Variants in CHSY3 observed in about 807,000 individuals in gnomAD.
CHSY3 encodes N-acetylgalactosaminyl-proteoglycan 3-beta-glucuronosyltransferase 3.
In CHSY3, 35 loss-of-function variants were observed where a neutral mutation model predicts 67.2. That is an observed-to-expected ratio of 0.52 (90% CI 0.40 to 0.69). The LOEUF is 0.69. Ranked by LOEUF, CHSY3 falls within the 30% of genes least tolerant of loss-of-function variation. CHSY3 has a pLI of 0.00. For synonymous variants in CHSY3, 474 were observed against 434.7 expected (o/e 1.09, Z -1.12); for missense variants, 1,069 against 1,138.5 (o/e 0.94, Z 0.88).
chr5:129,911,180 G>A (rs944766484), intron 2 of CHSY3, among the ~76,000 whole-genome samples: 1 of 151,668 alleles, frequency 6.6e-6, no homozygotes, highest in African/African-American at 2.4e-5. Context: ...ATATATAATT[G>A]TATAGTTTCC....
chr5:130,162,872 G>A (rs976476524), intron 2 of CHSY3, among the ~76,000 whole-genome samples: 10 of 152,128 alleles, frequency 6.6e-5, no homozygotes, highest in African/African-American at 1.2e-4. Flanking sequence ...TTACATAGCC[G>A]CAATCAACTC....
chr5:130,026,078 A>C (rs999146000), intron 2 of CHSY3, among the ~76,000 whole-genome samples: 1 of 152,166 alleles, frequency 6.6e-6, no homozygotes, highest in Non-Finnish European at 1.5e-5. Flanking sequence ...AGGAAATTTC[A>C]TAGGAACTTG....
chr5:130,126,526 G>T (rs1768293802), intron 2 of CHSY3, among the ~76,000 whole-genome samples: 2 of 152,062 alleles, frequency 1.3e-5, no homozygotes, highest in South Asian at 4.1e-4. Flanking sequence ...TGTTATGGTA[G>T]AGAGAGCAAG....
chr5:130,104,449 T>C (rs112550374), intron 2 of CHSY3, among the ~76,000 whole-genome samples: 2,246 of 151,914 alleles, frequency 0.015, 63 homozygotes, highest in African/African-American at 0.051. Context: ...TGAAACAAAA[T>C]ATGACTTAAA....
chr5:130,167,709 C>T (rs573667371), intron 2 of CHSY3, among the ~76,000 whole-genome samples: 3 of 152,202 alleles, frequency 2.0e-5, no homozygotes, highest in African/African-American at 7.2e-5. Flanking sequence ...AAAGGTTACT[C>T]ATTAGAAAAC....
chr5:130,151,996 T>A (rs947289471), intron 2 of CHSY3, among the ~76,000 whole-genome samples: 15 of 152,226 alleles, frequency 9.9e-5, no homozygotes, highest in African/African-American at 3.6e-4. Context: ...AGGACATATC[T>A]ATGCCAGGCA....
chr5:130,089,670 T>C (rs1766810387), intron 2 of CHSY3, among the ~76,000 whole-genome samples: 1 of 152,172 alleles, frequency 6.6e-6, no homozygotes, highest in Non-Finnish European at 1.5e-5. Flanking sequence ...TGAAACATGA[T>C]CACTGCTTGA....
At chr5:129,924,071 A>G (rs1024816608) in intron 2 of CHSY3, among the ~76,000 whole-genome samples, 2 of 152,206 alleles carry the variant, frequency 1.3e-5, no homozygotes, top group Non-Finnish European at 2.9e-5. Flanking sequence ...TTGTTTGAAA[A>G]TTATATAAAA....
intron 2 of CHSY3, among the ~76,000 whole-genome samples, chr5:130,180,432 T>C (rs553638847): frequency 2.0e-5 from 3 of 152,346 alleles, no homozygotes; most frequent in Admixed American, 1.3e-4. Flanking sequence ...ATTTATACAG[T>C]TATACAATCA....
At chr5:129,904,180 T>C (rs1467401456), upstream of CHSY3, among the ~76,000 whole-genome samples, 2 of 112,888 alleles carry the variant, frequency 1.8e-5, no homozygotes, top group Non-Finnish European at 3.6e-5. Flanking sequence ...GAGCAAGAGC[T>C]GGGGGAGGAG....
intron 2 of CHSY3, among the ~76,000 whole-genome samples, chr5:129,933,045 C>A (rs1761368763): frequency 6.6e-6 from 1 of 152,032 alleles, no homozygotes; most frequent in South Asian, 2.1e-4. Flanking sequence ...GATAACAGAT[C>A]TAAAAAATGC....
chr5:130,000,885 C>CTT (rs545172978), intron 2 of CHSY3, among the ~76,000 whole-genome samples: 9 of 124,656 alleles, frequency 7.2e-5, no homozygotes, highest in Admixed American at 8.0e-5. Flanking sequence ...AGCCTGTCTT[C>CTT]TTTTTTTTTT....
intron 2 of CHSY3, among the ~76,000 whole-genome samples, chr5:130,040,086 G>A (rs1276201554): frequency 6.6e-6 from 1 of 152,118 alleles, no homozygotes; most frequent in Non-Finnish European, 1.5e-5. Context: ...TCTAGGGTTT[G>A]TCTCCATCGA....
At chr5:130,110,808 C>A (rs1348336492) in intron 2 of CHSY3, among the ~76,000 whole-genome samples, 1 of 151,662 alleles carries the variant, frequency 6.6e-6, no homozygotes, top group East Asian at 1.9e-4. Context: ...TATATTATAT[C>A]CCTGATAAGA....
intron 2 of CHSY3, among the ~76,000 whole-genome samples, chr5:130,008,223 C>A (rs1763933986): frequency 2.6e-5 from 4 of 152,126 alleles, no homozygotes; most frequent in Admixed American, 2.6e-4. Flanking sequence ...GCTGCCCACC[C>A]CCCATACCCC....
Position 129,905,553 on chromosome 5 carries a change from A to G in CHSY3, c.724A>G (p.Met242Val). ...SYPPQKKSFM[M>V]IKYMHDHYLD... ...TCCTCCCCAGAAAAAGTCCTTCATG[A>G]TGATCAAGTACATGCACGACCACTA... The change falls in exon 1 of 3, where the codon ATG (methionine) becomes GTG (valine). Residue 242 changes from methionine to valine, a missense_variant. Around this residue, in one of 5 missense-constraint regions of CHSY3, gnomAD observed 216 missense variants for 311.5 expected, o/e 0.69. Coordinates refer to ENST00000305031, the MANE Select transcript of CHSY3 (RefSeq NM_175856.5). The G allele has an allele frequency of 6.2e-7, 1 of 1,613,672 alleles. No homozygotes were observed. The highest frequency in any genetic ancestry group is 8.5e-7 in the Non-Finnish European group (1 of 1,180,006).
At chr5:130,102,181 A>G (rs771602852) in intron 2 of CHSY3, among the ~76,000 whole-genome samples, 1 of 152,100 alleles carries the variant, frequency 6.6e-6, no homozygotes, top group Non-Finnish European at 1.5e-5. Context: ...TCAGTGGTAT[A>G]TTAAAGAACA....
intron 2 of CHSY3, among the ~76,000 whole-genome samples, chr5:130,032,736 T>C (rs757776180): frequency 1.1e-4 from 17 of 152,108 alleles, no homozygotes; most frequent in Non-Finnish European, 2.1e-4. Context: ...GAGAGGTGTA[T>C]GCTTTGGGAT....
At chr5:130,014,114 C>G (rs140227436) in intron 2 of CHSY3, among the ~76,000 whole-genome samples, 624 of 152,344 alleles carry the variant, frequency 4.1e-3, no homozygotes, top group Non-Finnish European at 6.6e-3. Flanking sequence ...GAGAACACCT[C>G]AACTTCTACC....
Sources: gnomAD v4.1 joint callset for allele counts (sites outside exome capture counted in the v4.1 genomes callset) on GRCh38, gnomAD v4.1.1 for gene constraint, gnomAD v4.1.1 regional missense constraint, MANE v1.5 for transcripts, NCBI Gene and HGNC (gene_info 2026-07-23, HGNC 2026-07-21) for gene names.